Variants in NPM1 observed in about 807,000 individuals in gnomAD.
NPM1 encodes the protein nucleophosmin.
In NPM1, 1 loss-of-function variant was observed where a neutral mutation model predicts 44.1. The observed-to-expected ratio is 0.02, with a 90% CI of 0.01 to 0.11. The LOEUF is 0.11. Among genes scored for constraint, NPM1 ranks in the 10% least tolerant of loss-of-function variants. The probability of loss-of-function intolerance (pLI) is 1.00; values close to 1 mark genes in which losing one functional copy is unlikely to be tolerated. For synonymous variants in NPM1, 126 were observed against 111.8 expected, an observed-to-expected ratio of 1.13 and a Z score of -0.80; for missense variants, 197 against 347.8, an observed-to-expected ratio of 0.57 and a Z score of 3.45.
intron 4 of NPM1, among the ~76,000 whole-genome samples, chr5:171,392,078 C>T (rs1434333353): frequency 6.6e-6 from 1 of 151,998 alleles, no homozygotes; most frequent in African/African-American, 2.4e-5. Context: ...TAGCTGGGGC[C>T]ACAGACGTGC....
intron 9 of NPM1, chr5:171,406,738 ATG>A (rs1385863690): frequency 1.8e-6 from 2 of 1,120,884 alleles, no homozygotes; most frequent in Non-Finnish European, 2.2e-6. Flanking sequence ...TTAAGAATGT[ATG>A]TGACAATAAT....
intron 6 of NPM1, among the ~76,000 whole-genome samples, chr5:171,393,736 C>T (rs2113188461): frequency 6.6e-6 from 1 of 152,276 alleles, no homozygotes; most frequent in South Asian, 2.1e-4. Flanking sequence ...CATGAAAGAT[C>T]AAATTGGGAG....
intron 8 of NPM1, among the ~76,000 whole-genome samples, chr5:171,401,351 C>CAA (rs542259785): frequency 2.1e-5 from 3 of 143,084 alleles, no homozygotes; most frequent in Non-Finnish European, 4.6e-5. Context: ...ACTCCGCCTC[C>CAA]AAAAAAAAAA....
chr5:171,388,353 G>A (rs1414035008), intron 1 of NPM1, among the ~76,000 whole-genome samples: 1 of 152,222 alleles, frequency 6.6e-6, no homozygotes, highest in Admixed American at 6.5e-5. Flanking sequence ...TAACGGCGGT[G>A]GTTCATAGGC....
At chr5:171,405,273 G>T (rs1771500990) in intron 8 of NPM1, 29 bp from the exon 9 acceptor site, 5 of 1,082,138 alleles carry the variant, frequency 4.6e-6, no homozygotes, top group African/African-American at 3.2e-5. Context: ...TTATTCTTAT[G>T]ACCTTTTGGA....
At chr5:171,400,968 G>T (rs1421744047) in intron 8 of NPM1, 43 bp downstream of exon 8, 2 of 1,321,332 alleles carry the variant, frequency 1.5e-6, no homozygotes, top group Admixed American at 3.4e-5. Flanking sequence ...GATCTAGTTG[G>T]GGAAAAAGAT....
chr5:171,405,251 T>C, intron 8 of NPM1, 51 bp from the exon 9 acceptor site: 2 of 875,150 alleles, frequency 2.3e-6, no homozygotes, highest in Non-Finnish European at 3.6e-6. Context: ...GGGTTTTAAT[T>C]AGGAATTGTA....
At chr5:171,401,064 T>A in intron 8 of NPM1, 139 bp downstream of exon 8, 1 of 639,982 alleles carries the variant, frequency 1.6e-6, no homozygotes, top group Non-Finnish European at 2.8e-6. Flanking sequence ...TAAAATCAGC[T>A]TGCTGCAGCC....
At chr5:171,393,046 AT>A in intron 6 of NPM1, 68 bp downstream of exon 6, 4 of 1,542,318 alleles carry the variant, frequency 2.6e-6, no homozygotes, top group South Asian at 1.2e-5. Context: ...TGACATAGTT[AT>A]ATGCATGAGG....
intron 6 of NPM1, among the ~76,000 whole-genome samples, chr5:171,397,183 T>C (rs1770949661): frequency 6.6e-6 from 1 of 152,222 alleles, no homozygotes; most frequent in African/African-American, 2.4e-5. Context: ...GACTGTTTTC[T>C]TAGCACAGTG....
intron 6 of NPM1, among the ~76,000 whole-genome samples, chr5:171,397,974 A>G (rs541673246): frequency 1.4e-5 from 2 of 144,434 alleles, no homozygotes; most frequent in South Asian, 4.5e-4. Context: ...TGTATTTTAA[A>G]TAGAGACCGG....
intron 9 of NPM1, chr5:171,405,740 G>A (rs1771530811): frequency 3.9e-6 from 1 of 255,124 alleles, no homozygotes; most frequent in Non-Finnish European, 7.4e-6. Flanking sequence ...ACCAACAGAG[G>A]GCGTATGAGA....
At chr5:171,406,862 A>G (rs1466531838) in intron 9 of NPM1, 16 of 258,196 alleles carry the variant, frequency 6.2e-5, no homozygotes, top group African/African-American at 1.8e-4. Context: ...AACCTTTTCA[A>G]TCTTTTAAAA....
intron 1 of NPM1, among the ~76,000 whole-genome samples, chr5:171,389,375 A>G (rs929791558): frequency 6.6e-6 from 1 of 152,244 alleles, no homozygotes; most frequent in Non-Finnish European, 1.5e-5. Flanking sequence ...AATTTTGCCC[A>G]TTCATGGAGT....
intron 1 of NPM1, among the ~76,000 whole-genome samples, chr5:171,389,551 C>T (rs1435955621): frequency 6.6e-6 from 1 of 152,198 alleles, no homozygotes; most frequent in Non-Finnish European, 1.5e-5. Flanking sequence ...ATGTCACTTT[C>T]TGTTGCTTTA....
chr5:171,407,169 T>G (rs1771614280), intron 9 of NPM1: 1 of 153,722 alleles, frequency 6.5e-6, no homozygotes, highest in South Asian at 2.0e-4. Context: ...ATGGTAAGAG[T>G]GATTAGTGAA....
chr5:171,406,699 G>T (rs1386699531), intron 9 of NPM1: 5 of 1,224,916 alleles, frequency 4.1e-6, no homozygotes, highest in Non-Finnish European at 4.1e-6. Flanking sequence ...TATCTCCTTA[G>T]CTGCTCAATA....
At chr5:171,388,055 GTGAGGGT>G in intron 1 of NPM1, 49 bp downstream of exon 1, 1 of 1,354,588 alleles carries the variant, frequency 7.4e-7, no homozygotes, top group Non-Finnish European at 1.1e-6. Context: ...CCTGGTGGCG[GTGAGGGT>G]GGGGGTGAGG....
chr5:171,397,965 G>C (rs1014709548), intron 6 of NPM1, among the ~76,000 whole-genome samples: 15 of 151,764 alleles, frequency 9.9e-5, no homozygotes, highest in Admixed American at 2.0e-4. Context: ...CTAATTTTCT[G>C]TATTTTAAAT....
Sources: allele counts gnomAD v4.1 joint callset (sites outside exome capture counted in the v4.1 genomes callset), GRCh38; gene constraint gnomAD v4.1.1; transcripts MANE v1.5; gene names NCBI Gene and HGNC (gene_info 2026-07-23, HGNC 2026-07-21).